MOG: variants seen among roughly 807,000 people sequenced by gnomAD.
MOG encodes the protein myelin oligodendrocyte glycoprotein.
Under a neutral mutation model 35.9 loss-of-function variants are expected in MOG, and 20 were observed. The ratio of observed to expected loss-of-function variants is 0.56; its 90% CI spans 0.39 to 0.81. The LOEUF (loss-of-function observed/expected upper bound fraction) is 0.81, where lower values mean the gene tolerates loss of function less well. Among genes scored for constraint, MOG ranks in the 30% least tolerant of loss-of-function variants. MOG has a pLI of 0.00. For synonymous variants in MOG, 92 were observed against 114.3 expected (o/e 0.80, Z 1.25); for missense variants, 251 against 301.0 (o/e 0.83, Z 1.23).
intron 2 of MOG, chr6:29,661,698 T>C: frequency 1.2e-6 from 1 of 847,842 alleles, no homozygotes; most frequent in Non-Finnish European, 1.4e-6. Flanking sequence ...CGCATTCCTG[T>C]AATCCCAGCT....
Position 29,659,509 on chromosome 6 carries a change from A to G in MOG, c.279A>G (p.Glu93=). Residue 93 remains glutamate, a synonymous_variant, in exon 2 of 8, where the codon GAA becomes GAG. Transcript: ENST00000376917. ...ACCAAGATGGAGACCAGGCACCTGA[A>G]TATCGGGGCCGGACAGAGCTGCTGA... ...GKDQDGDQAP[E]YRGRTELLKD... The G allele has an allele frequency of 1.9e-6, 3 of 1,613,060 alleles. No individual in the cohort carries two copies. The highest frequency in any genetic ancestry group is 1.7e-6 in the Non-Finnish European group (2 of 1,180,022).
At chr6:29,663,955 A>T (rs1407513068) in intron 2 of MOG, 1 of 951,960 alleles carries the variant, frequency 1.1e-6, no homozygotes, top group African/African-American at 1.8e-5. Context: ...CTTTGATGTC[A>T]TTATCCTTAC....
intron 4 of MOG, 96 bp downstream of exon 4, chr6:29,667,759 C>G: frequency 1.3e-6 from 2 of 1,543,578 alleles, no homozygotes; most frequent in Non-Finnish European, 1.8e-6. Flanking sequence ...CCTCTCAATA[C>G]CCTGTTTTCC....
intron 2 of MOG, among the ~76,000 whole-genome samples, chr6:29,664,433 C>T (rs1769703308): frequency 6.6e-6 from 1 of 152,074 alleles, no homozygotes; most frequent in Admixed American, 6.6e-5. Context: ...TCTCGAACTC[C>T]TGACCTCAAG....
At chr6:29,664,215 T>A (rs12179056) in intron 2 of MOG, among the ~76,000 whole-genome samples, 5 of 126,884 alleles carry the variant, frequency 3.9e-5, no homozygotes, top group South Asian at 2.2e-4. Context: ...TATTTATTTA[T>A]TTTTTTTTTG....
chr6:29,660,733 C>CTT (rs559313540), intron 2 of MOG, among the ~76,000 whole-genome samples: 5,419 of 137,670 alleles, frequency 0.039, 224 homozygotes, highest in African/African-American at 0.099. Context: ...TCTTTCTTTT[C>CTT]TTTTTTTTTT....
In MOG at chr6:29,671,486, C is replaced by G; in HGVS notation, c.*301C>G. 1 of 1,370,826 alleles carries G rather than the reference C, an allele frequency of 7.3e-7. No individual in the cohort carries two copies. Among genetic ancestry groups the G allele is most frequent in the Non-Finnish European group, 1.0e-6 (1 of 959,496 alleles). The allele number at this position is 1,370,826 out of a possible 1,614,324, so 84.9% of individuals were successfully genotyped here. ...GTGCCCCTCTCTCCATCAGAGGACA[C>G]CTGTACTGGAGAGCAACACAGGATG... On this transcript the variant is annotated 3_prime_UTR_variant, in exon 8 of 8. Coordinates refer to ENST00000376917, the MANE Select transcript of MOG (RefSeq NM_206809.4).
Position 29,670,476 on chromosome 6 carries a change from T to C in MOG, c.709+79T>C, listed in dbSNP as rs1225573388. On this transcript the variant is annotated intron_variant, in intron 6 of 7. Coordinates refer to ENST00000376917, the MANE Select transcript of MOG (RefSeq NM_206809.4). The surrounding 1 kb of genome is among the most constrained non-coding windows in gnomAD (Gnocchi z 4.2). ...CTCTGAATGGGAAGCCAAAAGAGAA[T>C]AGAACCAGGACTCAAGATTAGGGGA... The C allele has an allele frequency of 3.3e-6, 5 of 1,527,632 alleles. No individual in the cohort carries two copies. Among genetic ancestry groups the C allele is most frequent in the Non-Finnish European group, 4.5e-6 (5 of 1,103,374 alleles). 94.6% of individuals were successfully genotyped at this position (1,527,632 alleles called of 1,614,324 possible). A position where few individuals can be genotyped will look rare whatever the true frequency, so the allele number is the denominator to read the frequency against.
At chr6:29,659,726 C>A in intron 2 of MOG, 60 bp downstream of exon 2, 1 of 1,384,926 alleles carries the variant, frequency 7.2e-7, no homozygotes, top group South Asian at 1.2e-5. Context: ...CAATTATTCT[C>A]TCAACTGAGA....
intron 2 of MOG, among the ~76,000 whole-genome samples, chr6:29,665,431 G>A (rs1770001277): frequency 6.6e-6 from 1 of 151,978 alleles, no homozygotes; most frequent in Non-Finnish European, 1.5e-5. Flanking sequence ...AAAGTCAAAG[G>A]TTCTCTTCAT....
intron 3 of MOG, 114 bp downstream of exon 3, chr6:29,666,379 C>T (rs1770220181): frequency 1.5e-6 from 1 of 682,264 alleles, no homozygotes; most frequent in Non-Finnish European, 2.6e-6. Context: ...AAGTTCTTCT[C>T]ACTATTGAGT....
intron 2 of MOG, among the ~76,000 whole-genome samples, chr6:29,664,442 A>G (rs971566923): frequency 1.3e-5 from 2 of 151,942 alleles, no homozygotes; most frequent in Non-Finnish European, 2.9e-5. Context: ...CCTGACCTCA[A>G]GTGATCCACC....
chr6:29,669,111 AG>A (rs1770854962), intron 5 of MOG, among the ~76,000 whole-genome samples: 1 of 151,900 alleles, frequency 6.6e-6, no homozygotes, highest in South Asian at 2.1e-4. Flanking sequence ...AGTAGAGACT[AG>A]GTTTCACCAG....
intron 1 of MOG, 95 bp from the exon 2 acceptor site, chr6:29,659,224 T>C: frequency 8.9e-7 from 1 of 1,123,748 alleles, no homozygotes; most frequent in Non-Finnish European, 1.4e-6. Context: ...GAGTGTCTTC[T>C]TCCTTCCCTG....
At chr6:29,661,251 G>T (rs1387601460) in intron 2 of MOG, 1 of 368,480 alleles carries the variant, frequency 2.7e-6, no homozygotes, top group Non-Finnish European at 3.8e-6. Flanking sequence ...GTATCTTGGA[G>T]GTGGGAGTGA....
In MOG at chr6:29,671,368, C is replaced by G. The variant is rs781450479; in HGVS notation, c.*183C>G. 6.2e-7 allele frequency: 1 copy of G among 1,612,186 alleles called. No homozygotes were observed. Among genetic ancestry groups the G allele is most frequent in the African/African-American group, 1.3e-5 (1 of 74,904 alleles). On this transcript the variant is annotated 3_prime_UTR_variant, in exon 8 of 8. Coordinates refer to ENST00000376917, the MANE Select transcript of MOG (RefSeq NM_206809.4). ...TGATTTCCCTTCTTCTGTCATCTAC[C>G]TTTTCTCTTCATTTTCCCATTTTTA...
chr6:29,660,955 C>T (rs112735397), intron 2 of MOG, among the ~76,000 whole-genome samples: 11,990 of 152,078 alleles, frequency 0.079, 695 homozygotes, highest in African/African-American at 0.16. Context: ...GTGATCCACT[C>T]GCCTCAGCCT....
At chr6:29,659,008 A>T (rs1232570929) in intron 1 of MOG, among the ~76,000 whole-genome samples, 2 of 152,136 alleles carry the variant, frequency 1.3e-5, no homozygotes, top group Non-Finnish European at 2.9e-5. Context: ...GCTACTCGGG[A>T]GGCTGAGGCA....
At position 29,670,467 on chromosome 6, in the gene MOG, A is replaced by G. The variant is rs1282395149; in HGVS notation, c.709+70A>G. 3.9e-6 allele frequency: 6 copies of G among 1,542,790 alleles called. No individual in the cohort carries two copies. The highest frequency in any genetic ancestry group is 2.2e-5 in the East Asian group (1 of 44,586). ...CCAAGTCAGCTCTGAATGGGAAGCC[A>G]AAAGAGAATAGAACCAGGACTCAAG... On this transcript the variant is annotated intron_variant, in intron 6 of 7. Coordinates refer to ENST00000376917, the MANE Select transcript of MOG (RefSeq NM_206809.4). This position sits in a 1 kb window ranked among gnomAD's most constrained non-coding sequence, Gnocchi z 4.2.
Sources: allele counts gnomAD v4.1 joint callset (sites outside exome capture counted in the v4.1 genomes callset), GRCh38; gene constraint gnomAD v4.1.1; non-coding constraint Gnocchi (gnomAD v3.1); transcripts MANE v1.5; gene names NCBI Gene and HGNC (gene_info 2026-07-23, HGNC 2026-07-21).